Variants in CCDC30 observed in about 807,000 individuals in gnomAD.
CCDC30 encodes the protein coiled-coil domain-containing protein 30.
A neutral mutation model predicts 100.2 loss-of-function variants in CCDC30; 70 were observed. The ratio of observed to expected loss-of-function variants is 0.70; its 90% confidence interval spans 0.58 to 0.85. The LOEUF (loss-of-function observed/expected upper bound fraction) is 0.85. CCDC30 is among the 40% of genes least tolerant of loss of function. CCDC30 has a pLI of 0.00. For synonymous variants in CCDC30, 233 were observed against 269.5 expected (o/e 0.86, Z 1.33); for missense variants, 652 against 771.2 (o/e 0.85, Z 1.83).
chr1:42,540,574 G>A (rs896908380), intron 6 of CCDC30, among the ~76,000 whole-genome samples: 3 of 151,804 alleles, frequency 2.0e-5, no homozygotes, highest in Admixed American at 2.0e-4. Flanking sequence ...AAAGTACAAA[G>A]ACTTCCCATA....
chr1:42,583,936 C>T (rs1248811565), intron 9 of CCDC30, among the ~76,000 whole-genome samples: 1 of 152,146 alleles, frequency 6.6e-6, no homozygotes, highest in Non-Finnish European at 1.5e-5. Flanking sequence ...AGGTATCCTA[C>T]AGGAAAAACT....
At chr1:42,471,369 A>G (rs1350733407) in intron 1 of CCDC30, among the ~76,000 whole-genome samples, 1 of 152,168 alleles carries the variant, frequency 6.6e-6, no homozygotes, top group Non-Finnish European at 1.5e-5. Flanking sequence ...TAATTTAAGC[A>G]TTTATTTTCT....
chr1:42,643,968 G>A (rs1422236069), intron 13 of CCDC30, among the ~76,000 whole-genome samples: 1 of 152,020 alleles, frequency 6.6e-6, no homozygotes, highest in Non-Finnish European at 1.5e-5. Context: ...ACCCTAAATG[G>A]GATCATATCC....
intron 7 of CCDC30, among the ~76,000 whole-genome samples, chr1:42,572,102 C>T (rs982541687): frequency 2.0e-5 from 3 of 152,154 alleles, no homozygotes; most frequent in African/African-American, 7.2e-5. Context: ...ATATGTATTA[C>T]TTCAACTCCT....
intron 1 of CCDC30, among the ~76,000 whole-genome samples, chr1:42,477,339 C>G (rs560040253): frequency 8.5e-5 from 13 of 152,210 alleles, no homozygotes; most frequent in African/African-American, 2.4e-4. Flanking sequence ...AAGGGATTCT[C>G]CTGCCTCAGC....
intron 6 of CCDC30, among the ~76,000 whole-genome samples, chr1:42,547,380 T>G (rs1470825259): frequency 6.6e-6 from 1 of 152,214 alleles, no homozygotes; most frequent in Non-Finnish European, 1.5e-5. Flanking sequence ...AAGAGATGGT[T>G]GCCTACATTG....
chr1:42,599,584 G>A (rs1646361220), intron 10 of CCDC30, among the ~76,000 whole-genome samples: 1 of 152,042 alleles, frequency 6.6e-6, no homozygotes, highest in African/African-American at 2.4e-5. Flanking sequence ...AGACATCAAT[G>A]GTTTAAATGC....
upstream of CCDC30, chr1:42,463,259 GTCTGCGTC>G (rs2148426118): frequency 6.6e-6 from 1 of 152,366 alleles, no homozygotes; most frequent in South Asian, 2.1e-4. Context: ...GGAAGGACGC[GTCTGCGTC>G]TCTGCGGCGA....
At chr1:42,635,819 A>T (rs1015958884) in intron 11 of CCDC30, among the ~76,000 whole-genome samples, 10 of 152,058 alleles carry the variant, frequency 6.6e-5, no homozygotes, top group African/African-American at 2.2e-4. Context: ...AAAAAAAAAA[A>T]AAAATGGCAA....
chr1:42,465,506 A>C (rs939535116), intron 1 of CCDC30, among the ~76,000 whole-genome samples: 1 of 152,132 alleles, frequency 6.6e-6, no homozygotes, highest in Non-Finnish European at 1.5e-5. Context: ...CTGGGATTAT[A>C]GGCATGTGCC....
chr1:42,501,973 C>G (rs529508115), intron 6 of CCDC30, among the ~76,000 whole-genome samples: 1 of 152,354 alleles, frequency 6.6e-6, no homozygotes, highest in Non-Finnish European at 1.5e-5. Flanking sequence ...CCACTACTCT[C>G]TTCAAAGCTG....
rs148360567 is a variant in CCDC30, at chr1:42,530,713, G to A, written c.456+31797G>A. 2.3e-3 allele frequency among the ~76,000 whole-genome samples: 344 copies of A among 152,272 alleles called. 2 individuals carry two copies. Among genetic ancestry groups the A allele is most frequent in the African/African-American group, 8.0e-3 (331 of 41,542 alleles). ...TTTTACATTATATTAGGCATTGTAA[G>A]TAATCTAGAGATGATTTAAAATATA... On this transcript the variant is annotated intron_variant, in intron 6 of 16. Transcript: ENST00000668663.
At chr1:42,501,557 T>G (rs1644312748) in intron 6 of CCDC30, among the ~76,000 whole-genome samples, 1 of 152,266 alleles carries the variant, frequency 6.6e-6, no homozygotes, top group Non-Finnish European at 1.5e-5. Context: ...TCAGCTTTTC[T>G]GCTCTGGTTT....
intron 6 of CCDC30, among the ~76,000 whole-genome samples, chr1:42,516,859 A>G (rs1179164070): frequency 2.0e-5 from 3 of 152,162 alleles, no homozygotes; most frequent in Non-Finnish European, 4.4e-5. Context: ...GCATTTCCCT[A>G]GTGATTATTA....
chr1:42,458,474 T>G (rs1643303885), upstream of CCDC30, among the ~76,000 whole-genome samples: 1 of 152,204 alleles, frequency 6.6e-6, no homozygotes, highest in Non-Finnish European at 1.5e-5. Context: ...GGTCCTACAC[T>G]GCTGTAGGAC....
At chr1:42,495,584 A>G (rs1426499343) in intron 4 of CCDC30, among the ~76,000 whole-genome samples, 3 of 152,022 alleles carry the variant, frequency 2.0e-5, no homozygotes, top group Non-Finnish European at 2.9e-5. Context: ...AGTCCCAGCT[A>G]CTCAGGAGGC....
chr1:42,535,295 A>G (rs1417631541), intron 6 of CCDC30, among the ~76,000 whole-genome samples: 1 of 152,138 alleles, frequency 6.6e-6, no homozygotes, highest in Non-Finnish European at 1.5e-5. Flanking sequence ...ATAAACTGCC[A>G]CTTACAGAGC....
rs1201285262 is a variant in CCDC30 at position 42,580,237 on chromosome 1, G to A, written c.847-1123G>A. Among the ~76,000 whole-genome samples the A allele has an allele frequency of 2.6e-5, 4 of 152,338 alleles. No individual in the cohort carries two copies. In the East Asian group the frequency reaches 7.7e-4, roughly 29 times the overall value. ...TAAATAGAACAGCTCCAAGGAACTT[G>A]AGCTGGCCTCAGATGGCTGGCTGCC... On this transcript the variant is annotated intron_variant, in intron 8 of 16. Transcript: ENST00000668663.
At chr1:42,507,882 A>G (rs192236958) in intron 6 of CCDC30, among the ~76,000 whole-genome samples, 1 of 151,480 alleles carries the variant, frequency 6.6e-6, no homozygotes, top group African/African-American at 2.4e-5. Flanking sequence ...CTTGTATTTT[A>G]CCAATAATCT....
Sources: allele counts gnomAD v4.1 joint callset (sites outside exome capture counted in the v4.1 genomes callset), GRCh38; gene constraint gnomAD v4.1.1; transcripts MANE v1.5; gene names NCBI Gene and HGNC (gene_info 2026-07-23, HGNC 2026-07-21).